COL28A1: variants seen among roughly 807,000 people sequenced by gnomAD.
COL28A1 encodes the protein collagen type XXVIII alpha 1 chain.
In COL28A1, 161 loss-of-function variants were observed where a neutral mutation model predicts 150.2. That is an observed-to-expected ratio of 1.07 (90% CI 0.94 to 1.22). The LOEUF (loss-of-function observed/expected upper bound fraction) is 1.22. Ranked by LOEUF, COL28A1 falls within the 50% of genes most tolerant of loss-of-function variation. The probability of loss-of-function intolerance (pLI) is 0.00; values close to 1 mark genes in which losing one functional copy is unlikely to be tolerated. For synonymous variants in COL28A1, 552 were observed against 469.7 expected (o/e 1.18, Z -2.26); for missense variants, 1,617 against 1,388.3 (o/e 1.16, Z -2.62).
chr7:7,499,408 A>C (rs1403366022), intron 11 of COL28A1, among the ~76,000 whole-genome samples: 1 of 152,212 alleles, frequency 6.6e-6, no homozygotes, highest in Non-Finnish European at 1.5e-5. Context: ...TGACATGTTC[A>C]AGTACCCTAC....
chr7:7,348,190 C>G, the COL28A1 span, among the ~76,000 whole-genome samples: 12 of 151,934 alleles, frequency 7.9e-5, no homozygotes, highest in African/African-American at 2.4e-4. Context: ...TTAACTAAGA[C>G]GAGGACAATG....
intron 11 of COL28A1, among the ~76,000 whole-genome samples, chr7:7,505,231 G>C (rs904536442): frequency 6.6e-6 from 1 of 152,078 alleles, no homozygotes; most frequent in Non-Finnish European, 1.5e-5. Context: ...CCCTTAAAAA[G>C]CTGGCTTTCT....
chr7:7,416,658 G>A (rs1409752736), intron 27 of COL28A1, among the ~76,000 whole-genome samples: 3 of 152,158 alleles, frequency 2.0e-5, no homozygotes, highest in African/African-American at 4.8e-5. Flanking sequence ...TGGGCAACAT[G>A]CCTATTTGGC....
chr7:7,364,434 C>T (rs1780829975), intron 33 of COL28A1, among the ~76,000 whole-genome samples: 1 of 152,212 alleles, frequency 6.6e-6, no homozygotes, highest in South Asian at 2.1e-4. Context: ...AAACTATTCA[C>T]TAATCCTTAT....
At chr7:7,489,042 T>C (rs1232157111) in intron 13 of COL28A1, among the ~76,000 whole-genome samples, 1 of 152,086 alleles carries the variant, frequency 6.6e-6, no homozygotes, top group Non-Finnish European at 1.5e-5. Flanking sequence ...CTGAGGTGGG[T>C]GAATCACCTC....
chr7:7,382,721 A>T (rs1490159620), intron 27 of COL28A1, among the ~76,000 whole-genome samples: 1 of 152,160 alleles, frequency 6.6e-6, no homozygotes, highest in Non-Finnish European at 1.5e-5. Flanking sequence ...AACTATCCTG[A>T]TCATCCCCAC....
chr7:7,356,573 C>T (rs1780366243), downstream of COL28A1: 1 of 152,094 alleles, frequency 6.6e-6, no homozygotes, highest in Non-Finnish European at 1.5e-5. Context: ...AACCATCATT[C>T]TCAGCAAACT....
intron 11 of COL28A1, among the ~76,000 whole-genome samples, chr7:7,493,748 A>G (rs1040459568): frequency 1.3e-5 from 2 of 152,058 alleles, no homozygotes; most frequent in Non-Finnish European, 2.9e-5. Context: ...CTGGGTAAAA[A>G]CAAAACAGGG....
chr7:7,532,681 C>G, intron 2 of COL28A1, 71 bp downstream of exon 2: 1 of 1,543,070 alleles, frequency 6.5e-7, no homozygotes, highest in Non-Finnish European at 8.7e-7. Flanking sequence ...ATATCAAATG[C>G]TATTTAGAAA....
chr7:7,506,972 G>A (rs1780843184), intron 10 of COL28A1, 145 bp downstream of exon 10: 2 of 550,564 alleles, frequency 3.6e-6, no homozygotes, highest in Admixed American at 6.0e-5. Flanking sequence ...GTAATCTTCT[G>A]GGTATCTTAA....
chr7:7,409,143 T>C (rs1783646679), intron 27 of COL28A1, among the ~76,000 whole-genome samples: 1 of 152,104 alleles, frequency 6.6e-6, no homozygotes, highest in Admixed American at 6.6e-5. Context: ...GTACTAAAAA[T>C]ACCTCTTACC....
In COL28A1 at chr7:7,444,424, C is replaced by A. The variant is rs1296129483; in HGVS notation, c.1575G>T (p.Gly525=). 1 of 1,613,950 alleles carries A rather than the reference C, an allele frequency of 6.2e-7. No individual in the cohort carries two copies. Among genetic ancestry groups the A allele is most frequent in the Non-Finnish European group, 8.5e-7 (1 of 1,179,942 alleles). Residue 525 remains glycine (G), a synonymous_variant, in exon 19 of 35, where the codon GGG becomes GGT. Transcript: ENST00000399429. ...PGVPGEDGAA[G]KKGEAGLPGA... ...ACGAAAAACTTGGTGTTACCTTCTT[C>A]CCTGCAGCTCCATCTTCTCCTGGTA...
At chr7:7,402,124 A>G (rs894225414) in intron 27 of COL28A1, among the ~76,000 whole-genome samples, 1 of 152,232 alleles carries the variant, frequency 6.6e-6, no homozygotes, top group Non-Finnish European at 1.5e-5. Context: ...CCTTTAATTC[A>G]TACTTTAAAA....
chr7:7,350,570 G>T, the COL28A1 span, among the ~76,000 whole-genome samples: 177 of 151,610 alleles, frequency 1.2e-3, no homozygotes, highest in Non-Finnish European at 2.0e-3. Context: ...GAAGATTAAA[G>T]ATGAGATAAT....
chr7:7,341,447 C>T, the COL28A1 span, among the ~76,000 whole-genome samples: 3 of 151,924 alleles, frequency 2.0e-5, no homozygotes, highest in South Asian at 4.2e-4. Flanking sequence ...CTCTGTTGCC[C>T]AGGCTGGAGT....
intron 8 of COL28A1, among the ~76,000 whole-genome samples, chr7:7,512,853 G>C (rs915598024): frequency 2.6e-5 from 4 of 152,172 alleles, no homozygotes; most frequent in African/African-American, 9.7e-5. Context: ...TTCTGCTGCT[G>C]CTTCTTTATT....
chr7:7,493,482 C>T (rs920735545), intron 11 of COL28A1, among the ~76,000 whole-genome samples: 1 of 152,126 alleles, frequency 6.6e-6, no homozygotes, highest in African/African-American at 2.4e-5. Context: ...CTTAATATTG[C>T]TTTACAAGGC....
chr7:7,431,412 C>A (rs575411459), intron 25 of COL28A1: 1 of 404,770 alleles, frequency 2.5e-6, no homozygotes, highest in Non-Finnish European at 5.2e-6. Flanking sequence ...AAGTGATACA[C>A]GCTACATGGA....
intron 13 of COL28A1, among the ~76,000 whole-genome samples, chr7:7,487,402 AC>A (rs2128366344): frequency 6.6e-6 from 1 of 152,192 alleles, no homozygotes; most frequent in South Asian, 2.1e-4. Flanking sequence ...ATATGGTGAA[AC>A]CCTGTCTCTA....
Sources: allele counts gnomAD v4.1 joint callset (sites outside exome capture counted in the v4.1 genomes callset), GRCh38; gene constraint gnomAD v4.1.1; transcripts MANE v1.5; gene names NCBI Gene and HGNC (gene_info 2026-07-23, HGNC 2026-07-21).